Variants in MEIS3 observed in about 807,000 individuals in gnomAD.
MEIS3 encodes Meis homeobox 3, also known as homeobox protein Meis3.
MEIS3 carries 38 observed loss-of-function variants against 51.4 expected under a neutral mutation model. The ratio of observed to expected loss-of-function variants is 0.74; its 90% CI spans 0.57 to 0.97. The LOEUF is 0.97. Among genes scored for constraint, MEIS3 ranks in the 50% least tolerant of loss-of-function variants. The pLI is 0.00. For synonymous variants in MEIS3, 198 were observed against 201.8 expected (o/e 0.98, Z 0.16); for missense variants, 456 against 502.6 (o/e 0.91, Z 0.89).
Position 47,419,159 on chromosome 19 carries a change from C to G in MEIS3, c.-78G>C. 1 of 1,118,832 alleles carries G rather than the reference C, an allele frequency of 8.9e-7. No individual in the cohort carries two copies. Among genetic ancestry groups the G allele is most frequent in the South Asian group, 4.5e-5 (1 of 22,260 alleles). The allele number at this position is 1,118,832 out of a possible 1,614,324, so 69.3% of individuals were successfully genotyped here. A position where few individuals can be genotyped will look rare whatever the true frequency, so the allele number is the denominator to read the frequency against. Reference sequence around the variant, plus strand: ...AGGGCGCAGCCCGGGGCCGCAGCCCCTGACGGCCCGCGGTGTTGACGCCAG... The same window carrying G: ...AGGGCGCAGCCCGGGGCCGCAGCCCGTGACGGCCCGCGGTGTTGACGCCAG... On this transcript the variant is annotated 5_prime_UTR_variant, in exon 1 of 13. Transcript: ENST00000558555.
At chr19:47,407,788 T>C (rs1268119918) in intron 8 of MEIS3, among the ~76,000 whole-genome samples, 1 of 152,142 alleles carries the variant, frequency 6.6e-6, no homozygotes, top group Non-Finnish European at 1.5e-5. Flanking sequence ...AGAGTCTCTG[T>C]GTGGCCCTCT....
Position 47,407,139 on chromosome 19 carries a change from T to C in MEIS3, c.936-2A>G, listed in dbSNP as rs766529971. On this transcript the variant is annotated splice_acceptor_variant, in intron 9 of 12. Coordinates refer to ENST00000558555, the MANE Select transcript of MEIS3 (RefSeq NM_001301059.2). LOFTEE classifies it high-confidence loss of function. ...ATGCGTCTCCGGGCGTTAATGAACC[T>C]GGGAGGCGGTCATGGAAACGGAGGG... The C allele has an allele frequency of 1.2e-6, 2 of 1,608,118 alleles. No individual in the cohort carries two copies. The highest frequency in any genetic ancestry group is 2.7e-5 in the African/African-American group (2 of 74,648).
intron 6 of MEIS3, among the ~76,000 whole-genome samples, 181 bp from the exon 7 acceptor site, chr19:47,409,728 T>C (rs757204566): frequency 1.3e-5 from 2 of 151,626 alleles, no homozygotes; most frequent in Non-Finnish European, 2.9e-5. Flanking sequence ...CCGGGTGTGG[T>C]GGCATGCACC....
At chr19:47,417,921 C>CA (rs1054467334) in intron 1 of MEIS3, 27 of 568,092 alleles carry the variant, frequency 4.8e-5, no homozygotes, top group Middle Eastern at 4.6e-4. Flanking sequence ...AAATCCCCCC[C>CA]CCCACACACA....
rs112493679 is a variant in MEIS3 at position 47,413,730 on chromosome 19, C to CT, written c.597+986dup. 1.6e-3 allele frequency among the ~76,000 whole-genome samples: 218 copies of CT among 139,370 alleles called. 1 individual carries two copies. Among genetic ancestry groups the CT allele is most frequent in the Middle Eastern group, 7.6e-3 (2 of 262 alleles). The allele number at this position is 139,370 out of a possible 152,430, so 91.4% of individuals were successfully genotyped here. ...CTGAGTTGCTTTGCTGGGTTTGATT[C>CT]TTTTTTTTTTTTTTTGAGATGGAGT... is the stretch of plus-strand genomic sequence containing the variant. On this transcript the variant is annotated intron_variant, in intron 6 of 12. Transcript: ENST00000558555.
At position 47,403,981 on chromosome 19, in the gene MEIS3, C is replaced by A. The variant is rs528027340; in HGVS notation, c.*18-428G>T. Among the ~76,000 whole-genome samples the A allele has an allele frequency of 2.2e-4, 34 of 152,096 alleles. 1 individual carries two copies. The East Asian group carries it at 6.2e-3, about 28-fold the overall frequency. On this transcript the variant is annotated intron_variant, in intron 12 of 12. Coordinates refer to ENST00000558555, the MANE Select transcript of MEIS3 (RefSeq NM_001301059.2). Reference sequence around the variant, plus strand: ...CTTTGGGAGGCAGAGGCAGGGGGATCGCTTGAGCCCAGGAGTTCGAGACCA... The same window carrying A: ...CTTTGGGAGGCAGAGGCAGGGGGATAGCTTGAGCCCAGGAGTTCGAGACCA...
Position 47,419,513 on chromosome 19 carries a change from C to T in MEIS3, c.-432G>A, listed in dbSNP as rs1009370406. The T allele has an allele frequency of 2.0e-5, 3 of 151,622 alleles. No homozygotes were observed. Among genetic ancestry groups the T allele is most frequent in the African/African-American group, 7.3e-5 (3 of 41,248 alleles). The allele number at this position is 151,622 out of a possible 1,614,324, so 9.4% of individuals were successfully genotyped here. ...CAGGGGTGCTGGCAGCCGCGCTCCC[C>T]GTTCCCGGTCTCTCCCTTGTCTTGT... is the stretch of plus-strand genomic sequence containing the variant. On this transcript the variant is annotated 5_prime_UTR_variant, in exon 1 of 13. Coordinates refer to ENST00000558555, the MANE Select transcript of MEIS3 (RefSeq NM_001301059.2).
chr19:47,407,272 C>G, intron 9 of MEIS3, 80 bp downstream of exon 9: 1 of 1,532,632 alleles, frequency 6.5e-7, no homozygotes, highest in Non-Finnish European at 8.8e-7. Context: ...CTCTGCGGGG[C>G]TCGGGGCCTC....
rs758926805 is a variant in MEIS3 at position 47,406,536 on chromosome 19, A to T, written c.1079-10T>A. The T allele has an allele frequency of 7.1e-6, 11 of 1,549,640 alleles. No homozygotes were observed. In the South Asian group the frequency reaches 1.0e-4, roughly 15 times the overall value. On this transcript the variant is annotated splice_polypyrimidine_tract_variant and intron_variant, in intron 11 of 12. Coordinates refer to ENST00000558555, the MANE Select transcript of MEIS3 (RefSeq NM_001301059.2). Reference sequence around the variant, plus strand: ...CTCATCCCCACTGATCCTGGAAGACAAAAAAAAAGGAGGGTAAGTGCGTCT... The same window carrying T: ...CTCATCCCCACTGATCCTGGAAGACTAAAAAAAAGGAGGGTAAGTGCGTCT...
At chr19:47,408,252 G>A (rs1424208057) in intron 8 of MEIS3, among the ~76,000 whole-genome samples, 1 of 151,570 alleles carries the variant, frequency 6.6e-6, no homozygotes, top group East Asian at 1.9e-4. Context: ...TCAGCCTCCT[G>A]AGTAGCTGGG....
At chr19:47,418,272 TAG>T (rs1971559900) in intron 1 of MEIS3, 1 of 153,726 alleles carries the variant, frequency 6.5e-6, no homozygotes, top group Non-Finnish European at 1.4e-5. Context: ...GGGAAGAGGC[TAG>T]AACGTTCCTG....
rs927229935 is a variant in MEIS3, at chr19:47,415,096, G to A, written c.402C>T (p.Ile134=). The change falls in exon 5 of 13, where the codon ATC becomes ATT. Residue 134 remains isoleucine, a synonymous_variant. Coordinates refer to ENST00000558555, the MANE Select transcript of MEIS3 (RefSeq NM_001301059.2). ...GGAACCGCAGCACCTGGATGGCCTG[G>A]ATCATCTGAAAACGTGGGCGGGAGG... ...SSNPELDNLM[I]QAIQVLRFHL... The A allele has an allele frequency of 7.5e-6, 10 of 1,333,188 alleles. No individual in the cohort carries two copies. Among genetic ancestry groups the A allele is most frequent in the Non-Finnish European group, 9.9e-6 (10 of 1,007,950 alleles). The allele number at this position is 1,333,188 out of a possible 1,614,324, so 82.6% of individuals were successfully genotyped here.
intron 12 of MEIS3, among the ~76,000 whole-genome samples, chr19:47,404,479 GC>G (rs1013582756): frequency 1.9e-4 from 29 of 152,064 alleles, no homozygotes; most frequent in African/African-American, 6.5e-4. Context: ...CTGTCCGGCC[GC>G]CTGCCTCAAC....
In MEIS3 at chr19:47,415,084, C is replaced by T. The variant is rs112656048; in HGVS notation, c.414G>A (p.Gln138=). ...GCTCCAGCAGGTGGAACCGCAGCAC[C>T]TGGATGGCCTGGATCATCTGAAAAC... ...ELDNLMIQAI[Q]VLRFHLLELE... Residue 138 remains glutamine, a synonymous_variant, in exon 5 of 13, where the codon CAG becomes CAA. Transcript: ENST00000558555. The T allele has an allele frequency of 2.0e-3, 2,825 of 1,423,422 alleles. 50 individuals carry two copies. The African/African-American group carries it at 0.041, about 21-fold the overall frequency. 88.2% of individuals were successfully genotyped at this position (1,423,422 alleles called of 1,614,324 possible).
In MEIS3 at chr19:47,417,333, G is replaced by A. The variant is rs774035879; in HGVS notation, c.30C>T (p.His10=). MARRYDELP[H]YPGIVDGPAA... ...CGGGGCCATCCACGATGCCTGGGTA[G>A]TGCGGCAGCTCATCATACTGGGGGA... Residue 10 remains histidine, a synonymous_variant, in exon 2 of 13, where the codon CAC becomes CAT. Coordinates refer to ENST00000558555, the MANE Select transcript of MEIS3 (RefSeq NM_001301059.2). 1.9e-6 allele frequency: 3 copies of A among 1,613,408 alleles called. No individual in the cohort carries two copies. The highest frequency in any genetic ancestry group is 2.5e-6 in the Non-Finnish European group (3 of 1,179,816).
intron 8 of MEIS3, 27 bp downstream of exon 8, chr19:47,409,072 C>A (rs200324375): frequency 1.2e-6 from 2 of 1,605,816 alleles, no homozygotes. Context: ...CCATTCCCAC[C>A]CTGCACCTGG....
chr19:47,420,969 CTCTCTT>C (rs201045323), upstream of MEIS3, among the ~76,000 whole-genome samples: 64 of 145,328 alleles, frequency 4.4e-4, no homozygotes, highest in East Asian at 1.0e-3. Flanking sequence ...CTCTCTCTCT[CTCTCTT>C]CCTGGCTGTC....
At chr19:47,421,026 G>A (rs1971700622), upstream of MEIS3, among the ~76,000 whole-genome samples, 1 of 151,050 alleles carries the variant, frequency 6.6e-6, no homozygotes, top group Non-Finnish European at 1.5e-5. Flanking sequence ...CCCAGGGGGA[G>A]GGAGCAGGTG....
At chr19:47,407,553 G>A in intron 8 of MEIS3, 125 bp from the exon 9 acceptor site, 3 of 1,567,048 alleles carry the variant, frequency 1.9e-6, no homozygotes, top group East Asian at 2.3e-5. Context: ...GAGAACCGGC[G>A]CTTCTGAGCG....
Sources: allele counts gnomAD v4.1 joint callset (sites outside exome capture counted in the v4.1 genomes callset), GRCh38; gene constraint gnomAD v4.1.1; transcripts MANE v1.5; gene names NCBI Gene and HGNC (gene_info 2026-07-23, HGNC 2026-07-21).